RNF31: variants seen among roughly 807,000 people sequenced by gnomAD.
RNF31 encodes the protein ring finger protein 31, also known as E3 ubiquitin-protein ligase RNF31.
In RNF31, 38 loss-of-function variants were observed where a neutral mutation model predicts 133.6. That is an observed-to-expected ratio of 0.28 (90% confidence interval 0.22 to 0.37). RNF31 has a LOEUF of 0.37. Ranked by LOEUF, RNF31 falls within the 10% of genes least tolerant of loss-of-function variation. The probability of loss-of-function intolerance (pLI) is 1.00; values close to 1 mark genes in which losing one functional copy is unlikely to be tolerated. For synonymous variants in RNF31, 582 were observed against 552.3 expected, an observed-to-expected ratio of 1.05 and a Z score of -0.75; for missense variants, 1,118 against 1,394.1, an observed-to-expected ratio of 0.80 and a Z score of 3.15.
chr14:24,160,014 G>A lies in RNF31; in HGVS notation c.2996+54G>A. On this transcript the variant is annotated intron_variant, in intron 19 of 20. Transcript: ENST00000324103. The surrounding 1 kb of genome is among the most constrained non-coding windows in gnomAD (Gnocchi z 4.0). ...GTTGGGCAGTGGGTAGAAGTGGTGA[G>A]GGCATGCCCAGGCAGTAAAATGGGT... The A allele has an allele frequency of 6.5e-7, 1 of 1,544,882 alleles. No individual in the cohort carries two copies.
rs772491925 is a variant in RNF31 at position 24,147,800 on chromosome 14, C to A, written c.102C>A (p.Leu34=). Residue 34 remains leucine, a synonymous_variant, in exon 1 of 21, where the codon CTC becomes CTA. Transcript: ENST00000324103. Reference sequence around the variant, plus strand: ...GGCAGGCGTTTTCCCTGGAGCAGCTCCGGCCGCTACTAGCCAGCTCTCTGC... The same window carrying A: ...GGCAGGCGTTTTCCCTGGAGCAGCTACGGCCGCTACTAGCCAGCTCTCTGC... ...DSGQAFSLEQ[L]RPLLASSLPL... The A allele has an allele frequency of 1.3e-5, 21 of 1,596,878 alleles. No homozygotes were observed. Among genetic ancestry groups the A allele is most frequent in the Non-Finnish European group, 1.6e-5 (19 of 1,173,866 alleles).
intron 11 of RNF31, 50 bp downstream of exon 11, chr14:24,152,042 G>T: frequency 1.3e-6 from 2 of 1,556,978 alleles, no homozygotes; most frequent in South Asian, 1.2e-5. Context: ...TATTCTTTTG[G>T]ACCCCCATCC....
chr14:24,157,774 C>T, intron 16 of RNF31, 124 bp from the exon 17 acceptor site: 1 of 1,095,328 alleles, frequency 9.1e-7, no homozygotes, highest in Admixed American at 1.8e-5. Flanking sequence ...TGTCCCCTTA[C>T]CCTTTGCTTG....
chr14:24,146,876 T>C (rs1421770139), upstream of RNF31: 7 of 518,608 alleles, frequency 1.3e-5, no homozygotes, highest in East Asian at 1.0e-4. Flanking sequence ...GCGGGGCTTA[T>C]AGCTAGGGCC....
chr14:24,149,866 T>A (rs1340808590), intron 6 of RNF31, among the ~76,000 whole-genome samples, 195 bp from the exon 7 acceptor site: 11 of 152,188 alleles, frequency 7.2e-5, no homozygotes, highest in Admixed American at 7.2e-4. Flanking sequence ...GTTAGCAGTA[T>A]CTACTAGGAA....
Position 24,158,023 on chromosome 14 carries a change from C to T in RNF31, c.2841+12C>T. ...AGAAGCTGCTACAGGTCAGAGGTGG[C>T]CAGGAGAGAAGAAGACAGGGCCCAG... On this transcript the variant is annotated intron_variant, in intron 17 of 20. Transcript: ENST00000324103. The T allele has an allele frequency of 6.2e-7, 1 of 1,612,890 alleles. No individual in the cohort carries two copies. Among genetic ancestry groups the T allele is most frequent in the Non-Finnish European group, 8.5e-7 (1 of 1,179,010 alleles).
In RNF31 at chr14:24,160,418, C is replaced by T. The variant is rs751799435; in HGVS notation, c.3165+11C>T. 1.2e-6 allele frequency: 2 copies of T among 1,611,976 alleles called. No homozygotes were observed. Among genetic ancestry groups the T allele is most frequent in the Admixed American group, 1.7e-5 (1 of 59,900 alleles). ...GCCCGCTTGTTACAGGTATAGCCTCCACCCAGCCTCATCTCTTAACCCACC... is the reference window on the plus strand; with the variant it reads ...GCCCGCTTGTTACAGGTATAGCCTCTACCCAGCCTCATCTCTTAACCCACC... On this transcript the variant is annotated intron_variant, in intron 20 of 20. Coordinates refer to ENST00000324103, the MANE Select transcript of RNF31 (RefSeq NM_017999.5). This position sits in a 1 kb window ranked among gnomAD's most constrained non-coding sequence, Gnocchi z 4.0.
chr14:24,146,963 A>T (rs972144781), upstream of RNF31: 2 of 287,956 alleles, frequency 6.9e-6, no homozygotes, highest in African/African-American at 4.5e-5. Context: ...CTCCCCCAAG[A>T]AGGCTCGACC....
In RNF31 at chr14:24,147,703, C is replaced by T. The variant is rs775635899; in HGVS notation, c.5C>T (p.Pro2Leu). ...GGGGCTGACTCCTGCCTCAGGATGC[C>T]GGGGGAGGAAGAGGAGCGGGCCTTC... MPGEEEERAFLV... is the reference protein window; with the variant it reads MLGEEEERAFLV... Residue 2 changes from proline to leucine, a missense_variant, in exon 1 of 21, where the codon CCG becomes CTG. Physicochemically the swap from Pro to Leu is moderately conservative, Grantham distance 98. Transcript: ENST00000324103. The T allele has an allele frequency of 8.6e-6, 13 of 1,513,156 alleles. No homozygotes were observed. The East Asian group carries it at 2.2e-4, about 26-fold the overall frequency. The allele number at this position is 1,513,156 out of a possible 1,614,324, so 93.7% of individuals were successfully genotyped here.
At chr14:24,159,369 A>C (rs944940548) in intron 18 of RNF31, among the ~76,000 whole-genome samples, 10 of 150,884 alleles carry the variant, frequency 6.6e-5, no homozygotes, top group African/African-American at 1.2e-4. Context: ...AAAAAAAAAA[A>C]AAACCAGAGG....
chr14:24,148,933 G>A (rs1250230486), intron 5 of RNF31, 57 bp downstream of exon 5: 8 of 1,388,226 alleles, frequency 5.8e-6, no homozygotes, highest in Non-Finnish European at 8.2e-6. Context: ...GGAAATTTGG[G>A]ATGCTCCTCT....
intron 11 of RNF31, among the ~76,000 whole-genome samples, chr14:24,153,456 A>C (rs2038298408): frequency 6.6e-6 from 1 of 151,986 alleles, no homozygotes; most frequent in South Asian, 2.1e-4. Context: ...GTGCACCTGT[A>C]ATCCCAGCTA....
Position 24,148,058 on chromosome 14 carries a change from C to A in RNF31, c.275C>A (p.Pro92His). ...CGCAACCTTCTCAGCCCTCAGCGGC[C>A]TCGGTACTGGCGTGGTGTCAAGTTT... Reference protein sequence around the residue: ...YGRNLLSPQRPRYWRGVKFNN... With the variant: ...YGRNLLSPQRHRYWRGVKFNN... Residue 92 changes from proline (P) to histidine (H), a missense_variant, in exon 2 of 21, where the codon CCT (proline) becomes CAT (histidine). By Grantham distance (77) the Pro-to-His change is moderately conservative. Transcript: ENST00000324103. The A allele has an allele frequency of 6.2e-7, 1 of 1,614,228 alleles. No individual in the cohort carries two copies. Among genetic ancestry groups the A allele is most frequent in the Non-Finnish European group, 8.5e-7 (1 of 1,180,036 alleles).
intron 11 of RNF31, among the ~76,000 whole-genome samples, chr14:24,153,348 G>A (rs2038296762): frequency 2.0e-5 from 3 of 152,162 alleles, no homozygotes; most frequent in South Asian, 2.1e-4. Context: ...GGAGGCCAAC[G>A]TGGGTGGATC....
rs2038191225 is a variant in RNF31 at position 24,147,738 on chromosome 14, C to T, written c.40C>T (p.Arg14Cys). The T allele has an allele frequency of 1.3e-6, 2 of 1,554,648 alleles. No homozygotes were observed. The highest frequency in any genetic ancestry group is 2.4e-5 in the East Asian group (1 of 42,064). The part of the protein sequence containing the change: ...EEEERAFLVA[R>C]EELASALRRD... ...AGAGGAGCGGGCCTTCCTGGTGGCC[C>T]GCGAGGAGCTGGCGAGCGCCCTGAG... is the stretch of plus-strand genomic sequence containing the variant. The change falls in exon 1 of 21, where the codon CGC becomes TGC. Residue 14 changes from arginine (R) to cysteine (C), a missense_variant. Physicochemically the swap from Arg to Cys is radical, Grantham distance 180. Coordinates refer to ENST00000324103, the MANE Select transcript of RNF31 (RefSeq NM_017999.5).
Position 24,148,046 on chromosome 14 carries a change from G to T in RNF31, c.263G>T (p.Ser88Ile). 1 of 1,614,226 alleles carries T rather than the reference G, an allele frequency of 6.2e-7. No individual in the cohort carries two copies. The highest frequency in any genetic ancestry group is 1.1e-5 in the South Asian group (1 of 91,092). ...ILEKYGRNLL[S>I]PQRPRYWRGV... is the part of the protein sequence containing the mutation. ...GAGAAATACGGCCGCAACCTTCTCA[G>T]CCCTCAGCGGCCTCGGTACTGGCGT... Residue 88 changes from serine to isoleucine, a missense_variant, in exon 2 of 21, where the codon AGC (serine) becomes ATC (isoleucine). Physicochemically the swap from Ser to Ile is moderately radical, Grantham distance 142. Around this residue, in one of 3 missense-constraint regions of RNF31, gnomAD observed 747 missense variants for 827.9 expected, o/e 0.90. Coordinates refer to ENST00000324103, the MANE Select transcript of RNF31 (RefSeq NM_017999.5).
chr14:24,154,960 C>T, intron 11 of RNF31, 197 bp from the exon 12 acceptor site: 2 of 582,874 alleles, frequency 3.4e-6, no homozygotes, highest in South Asian at 2.2e-5. Context: ...TAGGTGTCAC[C>T]ATTGTCTATT....
Position 24,160,554 on chromosome 14 carries a change from T to G in RNF31, c.3200T>G (p.Ile1067Ser). 1.3e-6 allele frequency: 2 copies of G among 1,538,618 alleles called. No individual in the cohort carries two copies. The highest frequency in any genetic ancestry group is 1.8e-6 in the Non-Finnish European group (2 of 1,140,170). The part of the protein sequence containing the change: ...LTEEVPLGQS[I>S]PRRRK Reference sequence around the variant, plus strand: ...GAAGAGGTACCCTTGGGACAGAGTATCCCCCGCAGGCGGAAGTAGCTGAGG... The same window carrying G: ...GAAGAGGTACCCTTGGGACAGAGTAGCCCCCGCAGGCGGAAGTAGCTGAGG... The change falls in exon 21 of 21, where the codon ATC becomes AGC. Residue 1067 changes from isoleucine to serine, a missense_variant. Coordinates refer to ENST00000324103, the MANE Select transcript of RNF31 (RefSeq NM_017999.5). This position sits in a 1 kb window ranked among gnomAD's most constrained non-coding sequence, Gnocchi z 4.0.
chr14:24,158,323 A>T (rs1259229757), intron 18 of RNF31, 124 bp downstream of exon 18: 7 of 844,428 alleles, frequency 8.3e-6, no homozygotes, highest in Non-Finnish European at 1.3e-5. Flanking sequence ...GTTAATTGAG[A>T]CCCAAGGCCT....
Sources: allele counts gnomAD v4.1 joint callset (sites outside exome capture counted in the v4.1 genomes callset), GRCh38; gene constraint gnomAD v4.1.1; regional missense constraint gnomAD v4.1.1; non-coding constraint Gnocchi (gnomAD v3.1); transcripts MANE v1.5; gene names NCBI Gene and HGNC (gene_info 2026-07-23, HGNC 2026-07-21).